Variants in PDLIM5 observed in about 807,000 individuals in gnomAD.
PDLIM5 encodes PDZ and LIM domain 5, also known as PDZ and LIM domain protein 5.
Under a neutral mutation model 64.2 loss-of-function variants are expected in PDLIM5, and 34 were observed. The ratio of observed to expected loss-of-function variants is 0.53; its 90% CI spans 0.40 to 0.71. The LOEUF (loss-of-function observed/expected upper bound fraction) is 0.71. Among genes scored for constraint, PDLIM5 ranks in the 30% least tolerant of loss-of-function variants. PDLIM5 has a pLI of 0.00. For missense variants in PDLIM5, 683 were observed against 733.6 expected (o/e 0.93, Z 0.80); for synonymous variants, 253 against 269.1 (o/e 0.94, Z 0.59).
At chr4:94,598,048 G>A (rs1232389365) in intron 7 of PDLIM5, among the ~76,000 whole-genome samples, 1 of 152,118 alleles carries the variant, frequency 6.6e-6, no homozygotes, top group Non-Finnish European at 1.5e-5. Context: ...AGGTTGATAA[G>A]TATGTTTTTA....
rs1731000460 is a variant in PDLIM5, at chr4:94,532,733, C to T, written c.248+8858C>T. 2.6e-5 allele frequency among the ~76,000 whole-genome samples: 4 copies of T among 152,258 alleles called. No homozygotes were observed. The South Asian group carries it at 6.2e-4, about 24-fold the overall frequency. On this transcript the variant is annotated intron_variant, in intron 3 of 12. Transcript: ENST00000317968. The stretch of plus-strand genomic sequence containing the variant: ...GTTTTAGGGGCCAGGCACTGTGGCT[C>T]AATGCCTGTAATTCCAGAACTTTGG...
chr4:94,630,735 A>G (rs1197662922), intron 8 of PDLIM5, among the ~76,000 whole-genome samples: 3 of 152,168 alleles, frequency 2.0e-5, no homozygotes, highest in Non-Finnish European at 4.4e-5. Context: ...ATGAAGTATT[A>G]TAGGATTTTT....
chr4:94,454,907 C>G (rs1723191884), intron 1 of PDLIM5, among the ~76,000 whole-genome samples: 1 of 151,974 alleles, frequency 6.6e-6, no homozygotes, highest in Non-Finnish European at 1.5e-5. Context: ...TGAATTCAAC[C>G]TGAAATAAAA....
At chr4:94,647,877 A>G (rs1344943949) in intron 9 of PDLIM5, among the ~76,000 whole-genome samples, 1 of 152,218 alleles carries the variant, frequency 6.6e-6, no homozygotes, top group African/African-American at 2.4e-5. Context: ...AAATTCACAA[A>G]TATGTAGAAA....
intron 2 of PDLIM5, among the ~76,000 whole-genome samples, chr4:94,484,047 G>A (rs1726101084): frequency 6.6e-6 from 1 of 152,174 alleles, no homozygotes; most frequent in Non-Finnish European, 1.5e-5. Flanking sequence ...CATGTCTCCA[G>A]AAACAAGGTA....
intron 2 of PDLIM5, among the ~76,000 whole-genome samples, chr4:94,491,930 T>G (rs920166883): frequency 6.6e-6 from 1 of 151,924 alleles, no homozygotes; most frequent in Non-Finnish European, 1.5e-5. Flanking sequence ...ATTCTCCTAG[T>G]TTTTTCAAAT....
chr4:94,534,505 T>C (rs899805887), intron 3 of PDLIM5, among the ~76,000 whole-genome samples: 5 of 152,320 alleles, frequency 3.3e-5, no homozygotes, highest in Admixed American at 3.3e-4. Context: ...AAAGAATTTA[T>C]AATCTCTTTA....
intron 7 of PDLIM5, among the ~76,000 whole-genome samples, chr4:94,615,789 A>G (rs1414054970): frequency 2.0e-5 from 3 of 152,090 alleles, no homozygotes; most frequent in Non-Finnish European, 4.4e-5. Flanking sequence ...ATTTTTTTAT[A>G]TTAGGAATCA....
chr4:94,526,758 A>C (rs1730395794), intron 3 of PDLIM5, among the ~76,000 whole-genome samples: 1 of 149,706 alleles, frequency 6.7e-6, no homozygotes, highest in Non-Finnish European at 1.5e-5. Flanking sequence ...TTGAGACTGA[A>C]TCTCGCTCTG....
chr4:94,528,601 C>G (rs4699505), intron 3 of PDLIM5, among the ~76,000 whole-genome samples: 59,924 of 151,984 alleles, frequency 0.39, 14,284 homozygotes, highest in South Asian at 0.67. Flanking sequence ...AATCATTTAT[C>G]TATTTCACTA....
chr4:94,648,874 CT>C (rs1741622513), intron 9 of PDLIM5, among the ~76,000 whole-genome samples: 1 of 152,116 alleles, frequency 6.6e-6, no homozygotes, highest in South Asian at 2.1e-4. Flanking sequence ...TTTTTAACTT[CT>C]TTTAAGGGTT....
At chr4:94,607,340 C>CT (rs1194535567) in intron 7 of PDLIM5, among the ~76,000 whole-genome samples, 1 of 150,116 alleles carries the variant, frequency 6.7e-6, no homozygotes, top group African/African-American at 2.5e-5. Flanking sequence ...TTGGTGCTTT[C>CT]TTTTTTTTGA....
At chr4:94,499,972 G>A (rs899295971) in intron 2 of PDLIM5, among the ~76,000 whole-genome samples, 1 of 152,104 alleles carries the variant, frequency 6.6e-6, no homozygotes, top group Non-Finnish European at 1.5e-5. Flanking sequence ...TGGAAAAATT[G>A]TCTTCCATGA....
At chr4:94,661,435 T>C (rs1053050428) in intron 11 of PDLIM5, among the ~76,000 whole-genome samples, 23 of 152,102 alleles carry the variant, frequency 1.5e-4, no homozygotes, top group African/African-American at 5.1e-4. Context: ...AATTTAGTAA[T>C]AGAGAAACAT....
intron 3 of PDLIM5, among the ~76,000 whole-genome samples, chr4:94,528,186 C>T (rs563965977): frequency 1.2e-4 from 18 of 152,236 alleles, no homozygotes; most frequent in Non-Finnish European, 2.4e-4. Context: ...TCTGAAATGC[C>T]CACCACCTGT....
In PDLIM5 at chr4:94,557,220, G is replaced by T. The variant is rs576428703; in HGVS notation, c.249-16131G>T. On this transcript the variant is annotated intron_variant, in intron 3 of 12. Transcript: ENST00000317968. ...TGTCAAAGATCAGATGGTTGTAGATGTGTGGTATTATTTCTGAGGGCTCTG... is the reference window on the plus strand; with the variant it reads ...TGTCAAAGATCAGATGGTTGTAGATTTGTGGTATTATTTCTGAGGGCTCTG... 9.2e-5 allele frequency among the ~76,000 whole-genome samples: 14 copies of T among 152,216 alleles called. No homozygotes were observed. In the South Asian group the frequency reaches 2.7e-3, roughly 29 times the overall value.
chr4:94,507,173 C>T lies in PDLIM5; in HGVS notation c.97-16551C>T, dbSNP rs534991449. Among the ~76,000 whole-genome samples, 15 of 152,096 alleles carry T rather than the reference C, an allele frequency of 9.9e-5. No individual in the cohort carries two copies. In the East Asian group the frequency reaches 2.9e-3, roughly 29 times the overall value. On this transcript the variant is annotated intron_variant, in intron 2 of 12. Coordinates refer to ENST00000317968, the MANE Select transcript of PDLIM5 (RefSeq NM_006457.5). ...AGCTTGCAGATGGCCTATCGTGGGA[C>T]TTCATCTTGTGATCATGTGAGCCAA...
At chr4:94,561,515 T>C (rs958498606) in intron 3 of PDLIM5, among the ~76,000 whole-genome samples, 2 of 152,154 alleles carry the variant, frequency 1.3e-5, no homozygotes, top group African/African-American at 2.4e-5. Context: ...TTTATCGTAG[T>C]TTTTTAAAGA....
At chr4:94,631,774 A>G (rs193183373) in intron 8 of PDLIM5, among the ~76,000 whole-genome samples, 9 of 152,282 alleles carry the variant, frequency 5.9e-5, no homozygotes, top group Non-Finnish European at 2.9e-5. Flanking sequence ...CTTCCGTGAC[A>G]TACTCTTCTG....
Sources: allele counts gnomAD v4.1 joint callset (sites outside exome capture counted in the v4.1 genomes callset), GRCh38; gene constraint gnomAD v4.1.1; transcripts MANE v1.5; gene names NCBI Gene and HGNC (gene_info 2026-07-23, HGNC 2026-07-21).